Variants in WDR7 observed in about 807,000 individuals in gnomAD.
WDR7 encodes the protein WD repeat-containing protein 7.
A neutral mutation model predicts 169.4 loss-of-function variants in WDR7; 46 were observed. The ratio of observed to expected loss-of-function variants is 0.27; its 90% CI spans 0.21 to 0.35. WDR7 has a LOEUF of 0.35. Among genes scored for constraint, WDR7 ranks in the 10% least tolerant of loss-of-function variants. The pLI is 1.00. For synonymous variants in WDR7, 612 were observed against 666.8 expected, an observed-to-expected ratio of 0.92 and a Z score of 1.27; for missense variants, 1,534 against 1,859.3, an observed-to-expected ratio of 0.83 and a Z score of 3.22.
At chr18:57,018,611 A>T (rs2048242179) in intron 26 of WDR7, among the ~76,000 whole-genome samples, 1 of 152,210 alleles carries the variant, frequency 6.6e-6, no homozygotes, top group African/African-American at 2.4e-5. Flanking sequence ...TTTACAGAAG[A>T]TCTGATCAAT....
At chr18:56,928,102 T>A (rs545041950) in intron 22 of WDR7, among the ~76,000 whole-genome samples, 8 of 152,116 alleles carry the variant, frequency 5.3e-5, no homozygotes, top group African/African-American at 1.4e-4. Flanking sequence ...AGGAGGAAAA[T>A]GCTATTTTTA....
At chr18:56,759,090 A>C in intron 16 of WDR7, 137 bp downstream of exon 16, 6 of 566,550 alleles carry the variant, frequency 1.1e-5, no homozygotes, top group Non-Finnish European at 1.7e-5. Context: ...TCCAGATGTA[A>C]ATATGGATAA....
intron 25 of WDR7, among the ~76,000 whole-genome samples, chr18:56,943,252 A>C (rs1458201012): frequency 6.6e-6 from 1 of 152,220 alleles, no homozygotes; most frequent in Non-Finnish European, 1.5e-5. Flanking sequence ...AATGCCTTTC[A>C]TGAAATAGGA....
chr18:57,033,795 C>T (rs78033137), downstream of WDR7: 3,078 of 152,156 alleles, frequency 0.02, 38 homozygotes, highest in East Asian at 0.058. Flanking sequence ...CACCCAAGGT[C>T]ATGCTTCCTT....
At chr18:56,928,841 C>A (rs1414604219) in intron 22 of WDR7, among the ~76,000 whole-genome samples, 2 of 152,180 alleles carry the variant, frequency 1.3e-5, no homozygotes, top group Non-Finnish European at 2.9e-5. Flanking sequence ...AAATAAGATT[C>A]AAACCCTACT....
intron 25 of WDR7, among the ~76,000 whole-genome samples, chr18:56,955,193 T>C (rs1259348128): frequency 6.6e-6 from 1 of 152,166 alleles, no homozygotes; most frequent in African/African-American, 2.4e-5. Context: ...TGATAAATAA[T>C]TATAGATGTT....
intron 19 of WDR7, among the ~76,000 whole-genome samples, chr18:56,806,196 C>T (rs1378236467): frequency 6.6e-6 from 1 of 152,028 alleles, no homozygotes; most frequent in African/African-American, 2.4e-5. Context: ...AGTGTAAAGT[C>T]CTTGTGTTTC....
chr18:56,760,468 T>C (rs1447781027), intron 16 of WDR7, among the ~76,000 whole-genome samples: 1 of 152,218 alleles, frequency 6.6e-6, no homozygotes, highest in Non-Finnish European at 1.5e-5. Context: ...TTTGTGCTTG[T>C]CTTTTGTGAC....
chr18:56,670,573 C>T (rs541945951), intron 1 of WDR7, among the ~76,000 whole-genome samples: 74 of 152,192 alleles, frequency 4.9e-4, no homozygotes, highest in South Asian at 1.7e-3. Context: ...TGCAGTGGCG[C>T]GATCTCGGCT....
At chr18:56,841,778 AAG>A (rs1198642633) in intron 20 of WDR7, among the ~76,000 whole-genome samples, 10 of 152,136 alleles carry the variant, frequency 6.6e-5, no homozygotes, top group Admixed American at 5.9e-4. Context: ...AACAGTTGGA[AAG>A]AGTGTAATGT....
chr18:56,982,632 G>T (rs1348530199), intron 26 of WDR7, among the ~76,000 whole-genome samples: 6 of 152,130 alleles, frequency 3.9e-5, no homozygotes, highest in Admixed American at 2.0e-4. Context: ...GTTTGGCATT[G>T]ATTTTAAATC....
intron 7 of WDR7, among the ~76,000 whole-genome samples, chr18:56,689,732 A>G (rs1293522565): frequency 2.0e-5 from 3 of 152,018 alleles, no homozygotes; most frequent in Non-Finnish European, 2.9e-5. Context: ...CTATATTCCT[A>G]CATTATTGGA....
At chr18:56,967,624 C>A (rs1486175804) in intron 26 of WDR7, among the ~76,000 whole-genome samples, 1 of 151,376 alleles carries the variant, frequency 6.6e-6, no homozygotes, top group Non-Finnish European at 1.5e-5. Context: ...TGAATGCATT[C>A]TTTGTAATAA....
chr18:56,839,542 G>T (rs1456831228), intron 20 of WDR7, among the ~76,000 whole-genome samples: 1 of 152,138 alleles, frequency 6.6e-6, no homozygotes, highest in Non-Finnish European at 1.5e-5. Flanking sequence ...TTAGGTCAGT[G>T]AATTGACACA....
intron 20 of WDR7, among the ~76,000 whole-genome samples, chr18:56,837,179 C>T (rs10515973): frequency 0.017 from 2,643 of 152,176 alleles, 68 homozygotes; most frequent in African/African-American, 0.058. Context: ...GCTCTTTCGA[C>T]GGTGAGAAAG....
At chr18:56,709,941 A>C (rs1395855138) in intron 12 of WDR7, among the ~76,000 whole-genome samples, 1 of 151,550 alleles carries the variant, frequency 6.6e-6, no homozygotes, top group African/African-American at 2.4e-5. Flanking sequence ...ATAACTAAGA[A>C]GGTAAAAGGT....
At chr18:56,773,253 T>G (rs1237990896) in intron 16 of WDR7, among the ~76,000 whole-genome samples, 1 of 152,170 alleles carries the variant, frequency 6.6e-6, no homozygotes, top group African/African-American at 2.4e-5. Flanking sequence ...GGTAGTACGA[T>G]GCTAAAGGGT....
At chr18:56,927,260 T>G (rs577052652) in intron 22 of WDR7, among the ~76,000 whole-genome samples, 1 of 152,266 alleles carries the variant, frequency 6.6e-6, no homozygotes, top group African/African-American at 2.4e-5. Context: ...CATCTCCTGC[T>G]GAGCTGACTC....
intron 19 of WDR7, among the ~76,000 whole-genome samples, chr18:56,799,539 CATATTT>C (rs1162284888): frequency 6.6e-6 from 1 of 152,006 alleles, no homozygotes; most frequent in Non-Finnish European, 1.5e-5. Flanking sequence ...ACAACACTAA[CATATTT>C]ACAGTACAGT....
Sources: allele counts gnomAD v4.1 joint callset (sites outside exome capture counted in the v4.1 genomes callset), GRCh38; gene constraint gnomAD v4.1.1; transcripts MANE v1.5; gene names NCBI Gene and HGNC (gene_info 2026-07-23, HGNC 2026-07-21).